The following CDH18 variants were observed in gnomAD, a reference collection of about 807,000 sequenced individuals.
CDH18 encodes cadherin 18, also known as cadherin-18.
CDH18 carries 31 observed loss-of-function variants against 67.9 expected under a neutral mutation model. The observed-to-expected ratio is 0.46, with a 90% CI of 0.34 to 0.62. The LOEUF (loss-of-function observed/expected upper bound fraction) is 0.62. CDH18 is among the 20% of genes least tolerant of loss of function. The pLI is 0.01. For synonymous variants in CDH18, 362 were observed against 347.2 expected, an observed-to-expected ratio of 1.04 and a Z score of -0.48; for missense variants, 890 against 975.5, an observed-to-expected ratio of 0.91 and a Z score of 1.17.
At chr5:19,629,931 TTTTA>T (rs956715357) in intron 5 of CDH18, among the ~76,000 whole-genome samples, 5 of 151,914 alleles carry the variant, frequency 3.3e-5, no homozygotes, top group African/African-American at 1.2e-4. Flanking sequence ...GATTTTTTAT[TTTTA>T]TTTATTTATT....
At chr5:19,550,802 T>C (rs1414398658) in intron 8 of CDH18, among the ~76,000 whole-genome samples, 1 of 152,172 alleles carries the variant, frequency 6.6e-6, no homozygotes, top group Non-Finnish European at 1.5e-5. Flanking sequence ...CTGGGTCAAA[T>C]GGTATTTCTA....
At chr5:20,172,618 C>T (rs544498672) in intron 2 of CDH18, among the ~76,000 whole-genome samples, 1 of 151,822 alleles carries the variant, frequency 6.6e-6, no homozygotes, top group Admixed American at 6.6e-5. Context: ...ATTGAGGGAA[C>T]AAGGGAGAGA....
chr5:19,722,952 C>G (rs1164544490), intron 4 of CDH18, among the ~76,000 whole-genome samples: 1 of 152,114 alleles, frequency 6.6e-6, no homozygotes, highest in South Asian at 2.1e-4. Context: ...CTTCTAGGCC[C>G]GGGCATGGTG....
intron 3 of CDH18, among the ~76,000 whole-genome samples, chr5:19,778,939 T>A (rs544716371): frequency 6.6e-6 from 1 of 152,290 alleles, no homozygotes; most frequent in East Asian, 1.9e-4. Flanking sequence ...TGATGCTGGC[T>A]TCGTTTACTG....
chr5:19,699,159 C>T (rs1762896660), intron 5 of CDH18, among the ~76,000 whole-genome samples: 1 of 152,062 alleles, frequency 6.6e-6, no homozygotes, highest in African/African-American at 2.4e-5. Context: ...CTATTCAATA[C>T]ACATACAAGC....
At chr5:20,252,711 G>A (rs533623369) in intron 2 of CDH18, among the ~76,000 whole-genome samples, 10 of 152,146 alleles carry the variant, frequency 6.6e-5, no homozygotes, top group African/African-American at 2.4e-4. Flanking sequence ...GCAGAGGCGG[G>A]CGGATCACGA....
At chr5:20,400,523 G>C (rs546214880) in intron 1 of CDH18, among the ~76,000 whole-genome samples, 4 of 151,278 alleles carry the variant, frequency 2.6e-5, no homozygotes, top group African/African-American at 9.7e-5. Flanking sequence ...AATGTTCACA[G>C]ACCAAAGCAG....
chr5:20,097,011 A>G (rs1042913245), intron 2 of CDH18, among the ~76,000 whole-genome samples: 1 of 152,148 alleles, frequency 6.6e-6, no homozygotes, highest in African/African-American at 2.4e-5. Context: ...TGATTTTTCA[A>G]TAGTATATTT....
intron 1 of CDH18, among the ~76,000 whole-genome samples, chr5:20,320,940 T>C (rs4623145): frequency 1 from 151,683 of 152,188 alleles, 75,591 homozygotes; most frequent in Middle Eastern, 1. Flanking sequence ...CTGTTTGGGG[T>C]GGTGCATGGA....
At chr5:19,757,071 G>T (rs1354216310) in intron 3 of CDH18, among the ~76,000 whole-genome samples, 1 of 152,144 alleles carries the variant, frequency 6.6e-6, no homozygotes, top group Non-Finnish European at 1.5e-5. Flanking sequence ...TGGGAAACAT[G>T]GTAAGACCAG....
chr5:20,075,426 C>T (rs1207243633), intron 2 of CDH18, among the ~76,000 whole-genome samples: 2 of 152,010 alleles, frequency 1.3e-5, no homozygotes, highest in African/African-American at 2.4e-5. Context: ...TAGCTCAAAC[C>T]GAGGAGATGA....
At chr5:19,527,555 A>G (rs797311) in intron 9 of CDH18, among the ~76,000 whole-genome samples, 29,776 of 151,504 alleles carry the variant, frequency 0.2, 3,200 homozygotes, top group African/African-American at 0.25. Flanking sequence ...ATATCCCTTT[A>G]CTGTATCCAT....
intron 1 of CDH18, among the ~76,000 whole-genome samples, chr5:20,519,582 G>A (rs767482180): frequency 8.6e-5 from 13 of 151,830 alleles, no homozygotes; most frequent in Non-Finnish European, 1.8e-4. Flanking sequence ...TAACAAACCC[G>A]CACATTGTGC....
intron 2 of CDH18, among the ~76,000 whole-genome samples, chr5:20,166,382 G>A (rs1368366244): frequency 7.1e-6 from 1 of 140,830 alleles, no homozygotes; most frequent in Non-Finnish European, 1.5e-5. Context: ...GGAGGTTGTA[G>A]TGAGCCAAGA....
intron 5 of CDH18, among the ~76,000 whole-genome samples, chr5:19,672,154 A>T (rs1047799995): frequency 5.9e-5 from 9 of 152,138 alleles, no homozygotes; most frequent in African/African-American, 2.2e-4. Flanking sequence ...CTGCATCCTG[A>T]TACAGAACAA....
chr5:20,064,058 A>G (rs1046535608), intron 2 of CDH18, among the ~76,000 whole-genome samples: 9 of 152,194 alleles, frequency 5.9e-5, no homozygotes, highest in Non-Finnish European at 1.5e-5. Context: ...GTTATATTTT[A>G]TACTCCAGAA....
intron 2 of CDH18, among the ~76,000 whole-genome samples, chr5:20,000,472 T>C (rs1736355388): frequency 6.6e-6 from 1 of 152,144 alleles, no homozygotes; most frequent in African/African-American, 2.4e-5. Flanking sequence ...AAAGTGGCAC[T>C]GTCAGTAGTA....
chr5:19,653,017 T>G (rs1755798564), intron 5 of CDH18, among the ~76,000 whole-genome samples: 1 of 152,100 alleles, frequency 6.6e-6, no homozygotes, highest in Non-Finnish European at 1.5e-5. Context: ...ATTAACCCCT[T>G]GATTTATTTG....
At chr5:19,891,941 A>T (rs548306037) in intron 2 of CDH18, among the ~76,000 whole-genome samples, 1 of 152,288 alleles carries the variant, frequency 6.6e-6, no homozygotes, top group African/African-American at 2.4e-5. Context: ...CACAGATGAG[A>T]TGTCTTTAAG....
Sources: gnomAD v4.1 joint callset for allele counts (sites outside exome capture counted in the v4.1 genomes callset) on GRCh38, gnomAD v4.1.1 for gene constraint, MANE v1.5 for transcripts, NCBI Gene and HGNC (gene_info 2026-07-23, HGNC 2026-07-21) for gene names.